Variants in MYRIP observed in about 807,000 individuals in gnomAD.
MYRIP encodes rab effector MyRIP.
Under a neutral mutation model 98.0 loss-of-function variants are expected in MYRIP, and 49 were observed. The observed-to-expected ratio is 0.50, with a 90% CI of 0.40 to 0.63. The LOEUF (loss-of-function observed/expected upper bound fraction) is 0.63. MYRIP is among the 30% of genes least tolerant of loss of function. MYRIP has a pLI of 0.00. For missense variants in MYRIP, 1,004 were observed against 1,058.2 expected, an observed-to-expected ratio of 0.95 and a Z score of 0.71; for synonymous variants, 404 against 409.5, an observed-to-expected ratio of 0.99 and a Z score of 0.16.
chr3:39,983,845 A>T (rs1040748971), intron 2 of MYRIP, among the ~76,000 whole-genome samples: 3 of 152,344 alleles, frequency 2.0e-5, no homozygotes, highest in Admixed American at 6.5e-5. Context: ...ACCACATGAT[A>T]AATTTAATCT....
chr3:40,039,943 C>A (rs1366246603), intron 2 of MYRIP, among the ~76,000 whole-genome samples: 1 of 152,030 alleles, frequency 6.6e-6, no homozygotes, highest in African/African-American at 2.4e-5. Context: ...TGCTGGCAAA[C>A]CTTGGTGTTA....
chr3:39,876,290 T>G (rs1942992758), intron 1 of MYRIP, among the ~76,000 whole-genome samples: 1 of 152,206 alleles, frequency 6.6e-6, no homozygotes, highest in Admixed American at 6.5e-5. Context: ...CTTGACTCTT[T>G]ATCCAATTTG....
At chr3:39,993,234 C>T (rs1297048228) in intron 2 of MYRIP, among the ~76,000 whole-genome samples, 1 of 152,162 alleles carries the variant, frequency 6.6e-6, no homozygotes, top group Admixed American at 6.5e-5. Context: ...CAATAATGAG[C>T]CTGCTCCTGA....
At chr3:40,098,793 A>G in intron 3 of MYRIP, among the ~76,000 whole-genome samples, 1 of 91,026 alleles carries the variant, frequency 1.1e-5, no homozygotes, top group Non-Finnish European at 2.3e-5. Context: ...CTTACAGATC[A>G]GAGATAAAAT....
intron 3 of MYRIP, among the ~76,000 whole-genome samples, chr3:40,096,188 C>G (rs367796544): frequency 6.6e-6 from 1 of 152,018 alleles, no homozygotes; most frequent in East Asian, 1.9e-4. Flanking sequence ...AATCCTAAAC[C>G]GGTGTTCCAT....
At chr3:40,146,600 A>G (rs1950015938) in intron 3 of MYRIP, among the ~76,000 whole-genome samples, 1 of 152,100 alleles carries the variant, frequency 6.6e-6, no homozygotes, top group Non-Finnish European at 1.5e-5. Flanking sequence ...TCCCTGTTGA[A>G]AAATTTGGTC....
At chr3:40,080,109 G>A (rs1948442377) in intron 3 of MYRIP, among the ~76,000 whole-genome samples, 4 of 152,252 alleles carry the variant, frequency 2.6e-5, no homozygotes, top group Admixed American at 6.5e-5. Context: ...TGTGAGATTG[G>A]CTGTAGGGAG....
At chr3:40,173,514 G>A (rs1387081137) in intron 8 of MYRIP, 1 of 152,242 alleles carries the variant, frequency 6.6e-6, no homozygotes, top group Non-Finnish European at 1.5e-5. Flanking sequence ...CCAAAACAGT[G>A]GGCACAACAG....
intron 3 of MYRIP, among the ~76,000 whole-genome samples, chr3:40,126,718 T>C (rs979467429): frequency 6.6e-6 from 1 of 152,368 alleles, no homozygotes; most frequent in South Asian, 2.1e-4. Flanking sequence ...TTTTGCAAAC[T>C]GTATCATTGT....
In MYRIP at chr3:40,125,709, G is replaced by A. The variant is rs975424699; in HGVS notation, c.333-25339G>A. Among the ~76,000 whole-genome samples, 5 of 152,116 alleles carry A rather than the reference G, an allele frequency of 3.3e-5. 1 individual carries two copies. The South Asian group carries it at 8.3e-4, about 25-fold the overall frequency. ...AATTGCTGTAGGGATCGGAGAAATT[G>A]CGCATAGAGGGCCTAGGAGCAGCTG... On this transcript the variant is annotated intron_variant, in intron 3 of 16. Coordinates refer to ENST00000302541, the MANE Select transcript of MYRIP (RefSeq NM_015460.4).
rs1195940137 is a variant in MYRIP, at chr3:39,875,210, A to G, written c.-30-25577A>G. On this transcript the variant is annotated intron_variant, in intron 1 of 16. Transcript: ENST00000302541. The stretch of plus-strand genomic sequence containing the variant: ...ATAGGCCTTTATCATTTTTTATTGC[A>G]TCTATTTGATTCTTCTCTCTTTTCT... Among the ~76,000 whole-genome samples the G allele has an allele frequency of 2.0e-5, 3 of 151,842 alleles. No individual in the cohort carries two copies. In the East Asian group the frequency reaches 5.8e-4, roughly 29 times the overall value.
chr3:39,815,321 G>A (rs931000341), intron 1 of MYRIP, among the ~76,000 whole-genome samples: 1 of 152,126 alleles, frequency 6.6e-6, no homozygotes, highest in Non-Finnish European at 1.5e-5. Flanking sequence ...TTCACTTAGT[G>A]TAATGTTTTC....
chr3:39,912,596 T>A (rs1944048126), intron 2 of MYRIP, among the ~76,000 whole-genome samples: 1 of 152,236 alleles, frequency 6.6e-6, no homozygotes, highest in African/African-American at 2.4e-5. Context: ...TTATTCCCTG[T>A]ACAACCCCAT....
At chr3:40,190,599 G>C in intron 10 of MYRIP, 136 bp downstream of exon 10, 2 of 1,400,974 alleles carry the variant, frequency 1.4e-6, no homozygotes, top group South Asian at 3.0e-5. Context: ...CAGCTAAGTA[G>C]CTGAGTGCCT....
rs1559451897 is a variant in MYRIP, at chr3:40,204,166, ATATTT to A, written c.1666-5687_1666-5683del. On this transcript the variant is annotated intron_variant, in intron 10 of 16. Transcript: ENST00000302541. ...ATATAATATATAAATATATAATATA[ATATTT>A]ATATATTATATAATATATAAATATT... Among the ~76,000 whole-genome samples the A allele has an allele frequency of 3.8e-3, 8 of 2,092 alleles. 1 individual carries two copies. Among genetic ancestry groups the A allele is most frequent in the Non-Finnish European group, 0.015 (8 of 542 alleles). 1.4% of individuals were successfully genotyped at this position (2,092 alleles called of 152,430 possible). A position where few individuals can be genotyped will look rare whatever the true frequency, so the allele number is the denominator to read the frequency against.
intron 3 of MYRIP, among the ~76,000 whole-genome samples, chr3:40,059,086 T>C (rs1222468038): frequency 6.6e-6 from 1 of 152,182 alleles, no homozygotes; most frequent in African/African-American, 2.4e-5. Context: ...TCCAGTTTCA[T>C]CCATGTCCCT....
rs560709918 is a variant in MYRIP, at chr3:40,076,833, C to T, written c.332+32562C>T. On this transcript the variant is annotated intron_variant, in intron 3 of 16. Transcript: ENST00000302541. ...GTGAAAGTATTACCTTACCCTCCCA[C>T]GCAAAAAATTACAACACCAGAGATT... is the stretch of plus-strand genomic sequence containing the variant. Among the ~76,000 whole-genome samples, 7 of 152,260 alleles carry T rather than the reference C, an allele frequency of 4.6e-5. 1 individual carries two copies. The South Asian group carries it at 6.2e-4, about 14-fold the overall frequency.
chr3:40,119,882 A>G (rs1021557962), intron 3 of MYRIP, among the ~76,000 whole-genome samples: 5 of 152,004 alleles, frequency 3.3e-5, no homozygotes, highest in African/African-American at 1.2e-4. Context: ...AAACCTGCAC[A>G]TTGTGCACAT....
intron 3 of MYRIP, among the ~76,000 whole-genome samples, chr3:40,066,081 G>A (rs1011770581): frequency 6.6e-6 from 1 of 152,168 alleles, no homozygotes; most frequent in African/African-American, 2.4e-5. Context: ...GCCTCCTGGA[G>A]GCCATAATGG....
Sources: gnomAD v4.1 joint callset for allele counts (sites outside exome capture counted in the v4.1 genomes callset) on GRCh38, gnomAD v4.1.1 for gene constraint, MANE v1.5 for transcripts, NCBI Gene and HGNC (gene_info 2026-07-23, HGNC 2026-07-21) for gene names.